Variants in KIF26B observed in about 807,000 individuals in gnomAD.
KIF26B encodes the protein kinesin family member 26B.
Under a neutral mutation model 151.2 loss-of-function variants are expected in KIF26B, and 63 were observed. The ratio of observed to expected loss-of-function variants is 0.42; its 90% CI spans 0.34 to 0.51. The LOEUF is 0.51. KIF26B is among the 20% of genes least tolerant of loss of function. The pLI is 0.07. For missense variants in KIF26B, 2,813 were observed against 2,913.6 expected, an observed-to-expected ratio of 0.97 and a Z score of 0.79; for synonymous variants, 1,357 against 1,262.1, an observed-to-expected ratio of 1.08 and a Z score of -1.59.
At chr1:245,627,109 A>T (rs1016477038) in intron 9 of KIF26B, among the ~76,000 whole-genome samples, 2 of 152,128 alleles carry the variant, frequency 1.3e-5, no homozygotes, top group African/African-American at 4.8e-5. Flanking sequence ...TTACGTCAAT[A>T]CCAGCCTGTT....
chr1:245,512,010 G>A lies in KIF26B; in HGVS notation c.1167-28757G>A, dbSNP rs1170817733. ...CATAAGCTTTCTTGATTAAAAAGCA[G>A]TATTTAGAGGAGGCTTTTAAGATCA... On this transcript the variant is annotated intron_variant, in intron 4 of 14. Coordinates refer to ENST00000407071, the MANE Select transcript of KIF26B (RefSeq NM_018012.4). The surrounding 1 kb of genome is among the most constrained non-coding windows in gnomAD (Gnocchi z 4.3). Among the ~76,000 whole-genome samples the A allele has an allele frequency of 1.5e-4, 3 of 20,582 alleles. No homozygotes were observed. The East Asian group carries it at 0.3, about 2,058-fold the overall frequency. The allele number at this position is 20,582 out of a possible 152,430, so 13.5% of individuals were successfully genotyped here.
At chr1:245,177,135 T>C (rs1668821962) in intron 2 of KIF26B, among the ~76,000 whole-genome samples, 2 of 152,136 alleles carry the variant, frequency 1.3e-5, no homozygotes, top group Admixed American at 1.3e-4. Context: ...TTAAATTGCT[T>C]GTAAAGATGG....
intron 2 of KIF26B, among the ~76,000 whole-genome samples, chr1:245,284,599 G>A (rs963295064): frequency 3.3e-5 from 5 of 152,072 alleles, no homozygotes; most frequent in African/African-American, 9.7e-5. Context: ...TGACCTTTGG[G>A]GAATCCTAGT....
chr1:245,503,436 A>G (rs114612943), intron 4 of KIF26B, among the ~76,000 whole-genome samples: 2 of 152,324 alleles, frequency 1.3e-5, no homozygotes, highest in African/African-American at 4.8e-5. Context: ...TACATTCTTG[A>G]AAGTACTTCC....
At chr1:245,626,585 G>A (rs992218247) in intron 9 of KIF26B, among the ~76,000 whole-genome samples, 2 of 151,972 alleles carry the variant, frequency 1.3e-5, no homozygotes, top group African/African-American at 4.8e-5. Context: ...AATTTTTAAT[G>A]GGTTTGTTTG....
At chr1:245,423,800 C>G (rs1658558507) in intron 4 of KIF26B, among the ~76,000 whole-genome samples, 2 of 152,062 alleles carry the variant, frequency 1.3e-5, no homozygotes. Flanking sequence ...CCACTTTTCT[C>G]TGTGATATTA....
intron 2 of KIF26B, among the ~76,000 whole-genome samples, chr1:245,322,265 A>G (rs1347846044): frequency 6.6e-5 from 10 of 152,120 alleles, no homozygotes; most frequent in Non-Finnish European, 1.0e-4. Flanking sequence ...ACAAATACCT[A>G]ATGCATGCGG....
At chr1:245,384,619 C>T (rs1673497708) in intron 3 of KIF26B, among the ~76,000 whole-genome samples, 1 of 152,168 alleles carries the variant, frequency 6.6e-6, no homozygotes. Flanking sequence ...AAATGAGGTA[C>T]AAGTTGATAG....
chr1:245,447,399 T>G (rs1659272002), intron 4 of KIF26B, among the ~76,000 whole-genome samples: 1 of 152,182 alleles, frequency 6.6e-6, no homozygotes, highest in Non-Finnish European at 1.5e-5. Context: ...ACTGCTATGG[T>G]CTGAATGTTG....
chr1:245,693,033 C>T (rs927581117), intron 12 of KIF26B, among the ~76,000 whole-genome samples: 9 of 152,158 alleles, frequency 5.9e-5, no homozygotes, highest in Non-Finnish European at 8.8e-5. Flanking sequence ...CTCGCGCTCC[C>T]CCGTCCCCTA....
rs182251302 is a variant in KIF26B at position 245,538,822 on chromosome 1, G to A, written c.1167-1945G>A. On this transcript the variant is annotated intron_variant, in intron 4 of 14. Coordinates refer to ENST00000407071, the MANE Select transcript of KIF26B (RefSeq NM_018012.4). ...GGCAGGCTGGCTTGAGAGCAGGGAGGGATCGCTGAGCAGAGGTGTGTGCGG... is the reference window on the plus strand; with the variant it reads ...GGCAGGCTGGCTTGAGAGCAGGGAGAGATCGCTGAGCAGAGGTGTGTGCGG... Among the ~76,000 whole-genome samples the A allele has an allele frequency of 3.3e-5, 5 of 152,210 alleles. No homozygotes were observed. The East Asian group carries it at 9.7e-4, about 29-fold the overall frequency.
rs773883282 is a variant in KIF26B at position 245,685,699 on chromosome 1, G to C, written c.2716G>C (p.Ala906Pro). 1 of 1,612,784 alleles carries C rather than the reference G, an allele frequency of 6.2e-7. No homozygotes were observed. Among genetic ancestry groups the C allele is most frequent in the South Asian group, 1.1e-5 (1 of 91,032 alleles). ...GAAGACCCGGGGCGACAGCCGGCCCGCAGAGGCAGGAGAGGCTGCAGCCGG... is the reference window on the plus strand; with the variant it reads ...GAAGACCCGGGGCGACAGCCGGCCCCCAGAGGCAGGAGAGGCTGCAGCCGG... The part of the protein sequence containing the change: ...LQKTRGDSRP[A>P]EAGEAAAGKS... The change falls in exon 12 of 15, where the codon GCA becomes CCA. Residue 906 changes from alanine (A) to proline (P), a missense_variant. By Grantham distance (27) the Ala-to-Pro change is conservative. This residue lies in a region of KIF26B where 2,060 missense variants were observed against 2,088.6 expected (regional missense o/e 0.99). Coordinates refer to ENST00000407071, the MANE Select transcript of KIF26B (RefSeq NM_018012.4).
intron 2 of KIF26B, among the ~76,000 whole-genome samples, chr1:245,192,629 G>A (rs1359583641): frequency 6.6e-6 from 1 of 152,156 alleles, no homozygotes; most frequent in Non-Finnish European, 1.5e-5. Flanking sequence ...CTTCCAGGAG[G>A]GAGGAAAGAG....
chr1:245,165,632 G>A (rs1668603311), intron 2 of KIF26B, among the ~76,000 whole-genome samples: 1 of 152,156 alleles, frequency 6.6e-6, no homozygotes, highest in Admixed American at 6.5e-5. Flanking sequence ...GGAGACCATT[G>A]ACATCGAAGG....
In KIF26B at chr1:245,239,047, C is replaced by T. The variant is rs1363662074; in HGVS notation, c.465+82364C>T. On this transcript the variant is annotated intron_variant, in intron 2 of 14. Transcript: ENST00000407071. The surrounding 1 kb of genome is among the most constrained non-coding windows in gnomAD (Gnocchi z 4.3). ...GTTTCTTACGTCTAATTTCGTTTTC[C>T]ACCATCTACTGCAAGAGTTGTATTT... Among the ~76,000 whole-genome samples the T allele has an allele frequency of 6.6e-6, 1 of 152,130 alleles. No homozygotes were observed. The highest frequency in any genetic ancestry group is 1.5e-5 in the Non-Finnish European group (1 of 68,026).
rs1240545204 is a variant in KIF26B at position 245,688,798 on chromosome 1, T to G, written c.5815T>G (p.Ser1939Ala). Residue 1939 changes from serine to alanine, a missense_variant, in exon 12 of 15, where the codon TCC (serine) becomes GCC (alanine). Around this residue, in one of 3 missense-constraint regions of KIF26B, gnomAD observed 2,060 missense variants for 2,088.6 expected, o/e 0.99. Transcript: ENST00000407071. ...GAGCCTCAAGACCCCGAAGAAACGC[T>G]CCAATCCAGGTAGGCGGCTGGGCGC... is the stretch of plus-strand genomic sequence containing the variant. ...CRSLKTPKKR[S>A]NPGSQRRRLI... 8.9e-6 allele frequency: 14 copies of G among 1,578,034 alleles called. No individual in the cohort carries two copies. Among genetic ancestry groups the G allele is most frequent in the African/African-American group, 1.4e-5 (1 of 73,502 alleles).
intron 3 of KIF26B, chr1:245,370,632 G>A (rs1249925760): frequency 1.8e-5 from 8 of 456,540 alleles, no homozygotes; most frequent in Admixed American, 7.0e-5. Flanking sequence ...CGGCGGCTGC[G>A]CCAGCGCTGA....
At chr1:245,288,232 A>G (rs1466704309) in intron 2 of KIF26B, among the ~76,000 whole-genome samples, 6 of 151,998 alleles carry the variant, frequency 3.9e-5, no homozygotes, top group Non-Finnish European at 8.8e-5. Flanking sequence ...TTTCACAGCA[A>G]CTAAACATGA....
intron 4 of KIF26B, among the ~76,000 whole-genome samples, chr1:245,421,042 G>A (rs1028890850): frequency 5.3e-5 from 8 of 152,180 alleles, no homozygotes; most frequent in African/African-American, 1.9e-4. Context: ...GAAGTAATAG[G>A]AAATATGTAT....
Sources: gnomAD v4.1 joint callset for allele counts (sites outside exome capture counted in the v4.1 genomes callset) on GRCh38, gnomAD v4.1.1 for gene constraint, gnomAD v4.1.1 regional missense constraint, Gnocchi (gnomAD v3.1) non-coding constraint, MANE v1.5 for transcripts, NCBI Gene and HGNC (gene_info 2026-07-23, HGNC 2026-07-21) for gene names.